The following SPATA13 variants were observed in gnomAD, a reference collection of about 807,000 sequenced individuals.
SPATA13 encodes spermatogenesis-associated protein 13.
A neutral mutation model predicts 104.0 loss-of-function variants in SPATA13; 50 were observed. That is an observed-to-expected ratio of 0.48 (90% CI 0.38 to 0.61). SPATA13 has a LOEUF of 0.61. Among genes scored for constraint, SPATA13 ranks in the 20% least tolerant of loss-of-function variants. The pLI is 0.00. For missense variants in SPATA13, 1,524 were observed against 1,690.6 expected, an observed-to-expected ratio of 0.90 and a Z score of 1.73; for synonymous variants, 606 against 667.5, an observed-to-expected ratio of 0.91 and a Z score of 1.42.
chr13:24,029,059 C>CA (rs1192485769), intron 3 of SPATA13, among the ~76,000 whole-genome samples: 1 of 151,856 alleles, frequency 6.6e-6, no homozygotes, highest in Non-Finnish European at 1.5e-5. Flanking sequence ...TATATTTATT[C>CA]AAAACCTTTA....
chr13:24,016,980 A>G (rs563103053), intron 2 of SPATA13, among the ~76,000 whole-genome samples: 2 of 152,324 alleles, frequency 1.3e-5, no homozygotes, highest in African/African-American at 2.4e-5. Flanking sequence ...ATGAACACCA[A>G]GTGGGGCCTG....
At chr13:24,009,982 A>G (rs776410411) in intron 2 of SPATA13, among the ~76,000 whole-genome samples, 5 of 152,216 alleles carry the variant, frequency 3.3e-5, no homozygotes, top group Non-Finnish European at 7.3e-5. Flanking sequence ...AGTCCTGACA[A>G]CATGTGCACA....
chr13:24,255,008 C>A (rs893541860), intron 4 of SPATA13, among the ~76,000 whole-genome samples: 2 of 152,144 alleles, frequency 1.3e-5, no homozygotes, highest in South Asian at 4.1e-4. Context: ...CAGTTATACT[C>A]CTTCCCCAAA....
chr13:24,144,456 C>T (rs776707441), intron 3 of SPATA13, among the ~76,000 whole-genome samples: 1 of 152,130 alleles, frequency 6.6e-6, no homozygotes, highest in Non-Finnish European at 1.5e-5. Context: ...CCAGGTGCTA[C>T]CCAAAAAGTT....
At chr13:23,996,233 G>A (rs1229873546) in intron 2 of SPATA13, among the ~76,000 whole-genome samples, 2 of 152,126 alleles carry the variant, frequency 1.3e-5, no homozygotes, top group Non-Finnish European at 2.9e-5. Flanking sequence ...AGGCCATGAG[G>A]GAGAGTCCGC....
At chr13:24,251,174 C>G (rs1351237629) in intron 3 of SPATA13, among the ~76,000 whole-genome samples, 21 of 152,196 alleles carry the variant, frequency 1.4e-4, no homozygotes, top group Non-Finnish European at 2.9e-5. Flanking sequence ...GCTCCACTGC[C>G]GTGTGAGTTT....
intron 3 of SPATA13, chr13:24,017,710 G>A: frequency 1.2e-5 from 12 of 985,128 alleles, no homozygotes; most frequent in Non-Finnish European, 1.4e-5. Flanking sequence ...CGGTAAGAAG[G>A]GCCTCGAGTC....
chr13:24,081,853 T>C (rs1879531707), intron 3 of SPATA13, among the ~76,000 whole-genome samples: 1 of 152,228 alleles, frequency 6.6e-6, no homozygotes, highest in Non-Finnish European at 1.5e-5. Context: ...CCAGGTTGCC[T>C]TTCACTTTCC....
intron 3 of SPATA13, among the ~76,000 whole-genome samples, chr13:24,055,780 T>C (rs1449567840): frequency 3.9e-5 from 6 of 152,248 alleles, no homozygotes; most frequent in Admixed American, 3.9e-4. Flanking sequence ...TTTCCAACTC[T>C]GAATATTCTT....
chr13:24,105,444 C>CTTTTTTT (rs764465032), intron 3 of SPATA13, among the ~76,000 whole-genome samples: 12,275 of 142,878 alleles, frequency 0.086, 639 homozygotes, highest in African/African-American at 0.15. Context: ...TGACTTCTTA[C>CTTTTTTT]TTTTTTTTTT....
intron 3 of SPATA13, among the ~76,000 whole-genome samples, chr13:24,085,181 G>A (rs565151001): frequency 3.4e-4 from 52 of 152,094 alleles, no homozygotes; most frequent in African/African-American, 1.2e-3. Context: ...GGAGTGCAGC[G>A]GTGCAATCTG....
intron 5 of SPATA13, among the ~76,000 whole-genome samples, chr13:24,285,681 T>G (rs1875882204): frequency 1.5e-5 from 1 of 65,580 alleles, no homozygotes; most frequent in Non-Finnish European, 3.6e-5. Context: ...CACATCTGGC[T>G]TTTTTTTTTT....
At chr13:24,139,054 T>C (rs1881668278) in intron 3 of SPATA13, among the ~76,000 whole-genome samples, 1 of 152,254 alleles carries the variant, frequency 6.6e-6, no homozygotes, top group Admixed American at 6.5e-5. Flanking sequence ...CTTTGGGACG[T>C]GTCAGCAGAG....
At chr13:24,299,106 A>G (rs1190808071) in intron 11 of SPATA13, among the ~76,000 whole-genome samples, 2 of 152,212 alleles carry the variant, frequency 1.3e-5, no homozygotes, top group African/African-American at 4.8e-5. Context: ...AAAATGCAAA[A>G]TGACAGAGCC....
chr13:24,071,531 A>G (rs1365708752), intron 3 of SPATA13, among the ~76,000 whole-genome samples: 1 of 152,174 alleles, frequency 6.6e-6, no homozygotes, highest in Non-Finnish European at 1.5e-5. Context: ...TGTATCCTCA[A>G]TCGCTTCTGT....
At chr13:24,243,611 C>A (rs192471452) in intron 2 of SPATA13, among the ~76,000 whole-genome samples, 91 of 152,262 alleles carry the variant, frequency 6.0e-4, no homozygotes, top group African/African-American at 2.0e-3. Flanking sequence ...CAGTAAAATT[C>A]TGTGAAGAGT....
rs1879431049 is a variant in SPATA13, at chr13:24,079,293, T to TA, written c.-112+61592_-112+61593insA. ...AGGGCCTTGTCCGCTACGGTGCAGT[T>TA]TTATTGGTAAACCAAGAACACTGGG... On this transcript the variant is annotated intron_variant, in intron 3 of 14. Transcript: ENST00000424834. 2.0e-5 allele frequency among the ~76,000 whole-genome samples: 3 copies of TA among 152,176 alleles called. No individual in the cohort carries two copies. In the South Asian group the frequency reaches 6.2e-4, roughly 32 times the overall value.
At chr13:24,087,633 A>G (rs1251138893) in intron 3 of SPATA13, among the ~76,000 whole-genome samples, 2 of 152,194 alleles carry the variant, frequency 1.3e-5, no homozygotes, top group Non-Finnish European at 1.5e-5. Flanking sequence ...TACAGGAATG[A>G]AGATGGAATT....
rs115382134 is a variant in SPATA13 at position 24,013,973 on chromosome 13, T to A, written c.-146-3694T>A. On this transcript the variant is annotated intron_variant, in intron 2 of 14. Transcript: ENST00000424834. ...GTGCTGTACTGACTCGATGTGCAAG[T>A]CTGGAGTGTGCTAGAGTCAGAGCCT... 9.0e-3 allele frequency among the ~76,000 whole-genome samples: 1,372 copies of A among 152,264 alleles called. 23 individuals are homozygous for A. Among genetic ancestry groups the A allele is most frequent in the African/African-American group, 0.031 (1,296 of 41,540 alleles).
Sources: gnomAD v4.1 joint callset for allele counts (sites outside exome capture counted in the v4.1 genomes callset) on GRCh38, gnomAD v4.1.1 for gene constraint, MANE v1.5 for transcripts, NCBI Gene and HGNC (gene_info 2026-07-23, HGNC 2026-07-21) for gene names.